LAMA2: variants seen among roughly 807,000 people sequenced by gnomAD.
LAMA2 encodes the protein laminin subunit alpha 2.
LAMA2 carries 269 observed loss-of-function variants against 364.8 expected under a neutral mutation model. That is an observed-to-expected ratio of 0.74 (90% CI 0.67 to 0.82). The LOEUF is 0.82. Ranked by LOEUF, LAMA2 falls within the 40% of genes least tolerant of loss-of-function variation. The pLI, the probability that LAMA2 is intolerant of heterozygous loss-of-function variation, is 0.00. For synonymous variants in LAMA2, 1,379 were observed against 1,370.6 expected, an observed-to-expected ratio of 1.01 and a Z score of -0.14; for missense variants, 3,807 against 3,873.2, an observed-to-expected ratio of 0.98 and a Z score of 0.45.
intron 12 of LAMA2, among the ~76,000 whole-genome samples, chr6:129,204,062 T>G (rs1477591123): frequency 1.3e-5 from 2 of 152,146 alleles, no homozygotes; most frequent in Non-Finnish European, 2.9e-5. Context: ...TAGTATCTGG[T>G]GGTAGTAAGG....
In LAMA2 at chr6:129,415,992, A is replaced by C. The variant is rs1255506991; in HGVS notation, c.5866-11760A>C. The stretch of plus-strand genomic sequence containing the variant: ...GAGACGGAGTCTCGCTCTGTCGCCC[A>C]GGCTGGAGTGCAGTGGCGGGATCTC... On this transcript the variant is annotated intron_variant, in intron 40 of 64. Transcript: ENST00000421865. Among the ~76,000 whole-genome samples, 3 of 29,796 alleles carry C rather than the reference A, an allele frequency of 1.0e-4. 1 individual carries two copies. The highest frequency in any genetic ancestry group is 7.0e-4 in the African/African-American group (3 of 4,256). 19.5% of individuals were successfully genotyped at this position (29,796 alleles called of 152,430 possible).
chr6:129,063,227 T>G (rs1054908026), intron 3 of LAMA2, among the ~76,000 whole-genome samples: 2 of 151,906 alleles, frequency 1.3e-5, no homozygotes, highest in African/African-American at 4.8e-5. Flanking sequence ...GGATCTAGAG[T>G]CAGCATGAAC....
At chr6:129,140,557 A>G (rs987169755) in intron 4 of LAMA2, among the ~76,000 whole-genome samples, 1 of 152,086 alleles carries the variant, frequency 6.6e-6, no homozygotes, top group African/African-American at 2.4e-5. Flanking sequence ...CCTCACAGCA[A>G]GACAGTGGTG....
intron 3 of LAMA2, among the ~76,000 whole-genome samples, chr6:129,081,968 T>C (rs1378296941): frequency 6.6e-6 from 1 of 152,132 alleles, no homozygotes; most frequent in Non-Finnish European, 1.5e-5. Flanking sequence ...GTTTAATTAA[T>C]ATGTCAAATA....
chr6:128,911,048 G>A (rs1005190277), intron 1 of LAMA2, among the ~76,000 whole-genome samples: 3 of 151,794 alleles, frequency 2.0e-5, no homozygotes, highest in African/African-American at 7.3e-5. Flanking sequence ...AAAGCTGTCA[G>A]ACAGGGACAT....
Position 129,516,429 on chromosome 6 carries a change from GTTAA to G in LAMA2, c.*87_*90del, listed in dbSNP as rs918284204. 40 of 1,375,402 alleles carry G rather than the reference GTTAA, an allele frequency of 2.9e-5. No homozygotes were observed. The highest frequency in any genetic ancestry group is 1.0e-4 in the African/African-American group (7 of 69,302). 85.2% of individuals were successfully genotyped at this position (1,375,402 alleles called of 1,614,324 possible). A position where few individuals can be genotyped will look rare whatever the true frequency, so the allele number is the denominator to read the frequency against. ...AAACAAATATATTTTACCTATATAT[GTTAA>G]TTAAACTAATTTGTGCATGTACATA... On this transcript the variant is annotated 3_prime_UTR_variant, in exon 65 of 65. Coordinates refer to ENST00000421865, the MANE Select transcript of LAMA2 (RefSeq NM_000426.4).
chr6:128,983,202 T>G (rs540692416), intron 1 of LAMA2, among the ~76,000 whole-genome samples: 1 of 152,136 alleles, frequency 6.6e-6, no homozygotes, highest in Non-Finnish European at 1.5e-5. Flanking sequence ...ACTTCCACAA[T>G]GGTTGAACTA....
chr6:129,132,024 C>T (rs1476594094), intron 4 of LAMA2, among the ~76,000 whole-genome samples: 1 of 152,140 alleles, frequency 6.6e-6, no homozygotes, highest in Non-Finnish European at 1.5e-5. Context: ...TTCCTACAAC[C>T]TTCGTGTTGG....
intron 29 of LAMA2, 69 bp from the exon 30 acceptor site, chr6:129,342,274 C>T (rs1328469829): frequency 1.5e-6 from 2 of 1,361,644 alleles, no homozygotes; most frequent in Non-Finnish European, 2.1e-6. Flanking sequence ...TAGCTAGGGA[C>T]TGTATGATAA....
chr6:129,283,669 T>C (rs1788891203), intron 18 of LAMA2, among the ~76,000 whole-genome samples: 1 of 151,336 alleles, frequency 6.6e-6, no homozygotes, highest in African/African-American at 2.4e-5. Context: ...TCAAGATTCA[T>C]ACTAGATATC....
At chr6:129,191,558 A>C (rs1436821642) in intron 11 of LAMA2, among the ~76,000 whole-genome samples, 2 of 152,220 alleles carry the variant, frequency 1.3e-5, no homozygotes, top group Non-Finnish European at 2.9e-5. Flanking sequence ...TGCTAGAGAC[A>C]CAGAATCCCA....
chr6:128,990,913 G>A (rs1783569502), intron 1 of LAMA2, among the ~76,000 whole-genome samples: 1 of 152,046 alleles, frequency 6.6e-6, no homozygotes, highest in Non-Finnish European at 1.5e-5. Flanking sequence ...GTATTTAAAA[G>A]TTAAAAGAAC....
intron 36 of LAMA2, 110 bp from the exon 37 acceptor site, chr6:129,392,935 T>G: frequency 1.1e-6 from 1 of 870,236 alleles, no homozygotes; most frequent in Non-Finnish European, 1.8e-6. Flanking sequence ...GTTTTCTTAT[T>G]TTCTCATTCT....
chr6:129,167,509 G>A (rs1779835186), intron 9 of LAMA2, among the ~76,000 whole-genome samples: 2 of 151,836 alleles, frequency 1.3e-5, no homozygotes, highest in Non-Finnish European at 2.9e-5. Flanking sequence ...TTTTATGGCT[G>A]CATAGTATTC....
rs1449422467 is a variant in LAMA2 at position 129,009,028 on chromosome 6, A to G, written c.113-40890A>G. 2.6e-5 allele frequency among the ~76,000 whole-genome samples: 4 copies of G among 152,220 alleles called. No homozygotes were observed. In the South Asian group the frequency reaches 8.3e-4, roughly 32 times the overall value. On this transcript the variant is annotated intron_variant, in intron 1 of 64. Transcript: ENST00000421865. The stretch of plus-strand genomic sequence containing the variant: ...AACAAAAGCTCTTCTACAAGAGAAT[A>G]TCTTCATTCATGTTAAACATATCAA...
chr6:129,487,081 C>A (rs1259023380), intron 56 of LAMA2, among the ~76,000 whole-genome samples: 1 of 152,182 alleles, frequency 6.6e-6, no homozygotes, highest in Non-Finnish European at 1.5e-5. Flanking sequence ...GCTGCAGGAC[C>A]TATTGAGCCT....
At chr6:129,243,708 T>C (rs991637734) in intron 12 of LAMA2, among the ~76,000 whole-genome samples, 3 of 152,006 alleles carry the variant, frequency 2.0e-5, no homozygotes, top group Non-Finnish European at 4.4e-5. Context: ...GTTAAACTGA[T>C]TGTAGTGGTC....
chr6:128,888,823 A>C (rs2114376619), intron 1 of LAMA2, among the ~76,000 whole-genome samples: 1 of 152,324 alleles, frequency 6.6e-6, no homozygotes, highest in Non-Finnish European at 1.5e-5. Context: ...GAGTTAAATA[A>C]ATGAATAAAA....
chr6:129,416,978 G>T lies in LAMA2; in HGVS notation c.5866-10774G>T, dbSNP rs904301257. On this transcript the variant is annotated intron_variant, in intron 40 of 64. Transcript: ENST00000421865. ...CCAGGGAATGCGGTGGCACCCAGGAGCTTGGAGATGCCAGGAACCACAGAG... is the reference window on the plus strand; with the variant it reads ...CCAGGGAATGCGGTGGCACCCAGGATCTTGGAGATGCCAGGAACCACAGAG... 2.2e-4 allele frequency among the ~76,000 whole-genome samples: 33 copies of T among 152,280 alleles called. 1 individual carries two copies. Among genetic ancestry groups the T allele is most frequent in the African/African-American group, 7.7e-4 (32 of 41,538 alleles).
Sources: gnomAD v4.1 joint callset for allele counts (sites outside exome capture counted in the v4.1 genomes callset) on GRCh38, gnomAD v4.1.1 for gene constraint, MANE v1.5 for transcripts, NCBI Gene and HGNC (gene_info 2026-07-23, HGNC 2026-07-21) for gene names.